The following SLC24A3 variants were observed in gnomAD, a reference collection of about 807,000 sequenced individuals.
SLC24A3 encodes the protein sodium/potassium/calcium exchanger 3.
In SLC24A3, 28 loss-of-function variants were observed where a neutral mutation model predicts 75.8. The observed-to-expected ratio is 0.37, with a 90% CI of 0.27 to 0.51. SLC24A3 has a LOEUF of 0.51. Among genes scored for constraint, SLC24A3 ranks in the 20% least tolerant of loss-of-function variants. The pLI is 0.94. For synonymous variants in SLC24A3, 372 were observed against 334.1 expected (o/e 1.11, Z -1.24); for missense variants, 663 against 847.8 (o/e 0.78, Z 2.71).
intron 2 of SLC24A3, among the ~76,000 whole-genome samples, chr20:19,310,078 G>T (rs1984422145): frequency 6.6e-6 from 1 of 152,280 alleles, no homozygotes; most frequent in South Asian, 2.1e-4. Context: ...GATGGTGCCT[G>T]GTGTCTTCGT....
intron 2 of SLC24A3, among the ~76,000 whole-genome samples, chr20:19,431,492 G>T (rs971336495): frequency 3.9e-5 from 6 of 152,040 alleles, no homozygotes; most frequent in Non-Finnish European, 7.4e-5. Context: ...GGGAGCAGCC[G>T]CTCCATGGGG....
At chr20:19,655,448 C>T (rs2032254533) in intron 7 of SLC24A3, among the ~76,000 whole-genome samples, 1 of 152,076 alleles carries the variant, frequency 6.6e-6, no homozygotes, top group Non-Finnish European at 1.5e-5. Context: ...GTCGGGAGAT[C>T]TGACTCCTAG....
chr20:19,247,393 A>G (rs564025643), intron 1 of SLC24A3, among the ~76,000 whole-genome samples: 1 of 152,342 alleles, frequency 6.6e-6, no homozygotes, highest in East Asian at 1.9e-4. Context: ...AAAAAATTTT[A>G]AATCCTATTT....
intron 2 of SLC24A3, among the ~76,000 whole-genome samples, chr20:19,291,621 A>G (rs1396449453): frequency 5.3e-5 from 8 of 152,026 alleles, no homozygotes; most frequent in Non-Finnish European, 7.3e-5. Context: ...TAATAGAACA[A>G]TAAAATCCTT....
chr20:19,694,273 A>T (rs951758076), intron 13 of SLC24A3: 2 of 152,244 alleles, frequency 1.3e-5, no homozygotes, highest in Non-Finnish European at 2.9e-5. Flanking sequence ...GACAGAAATT[A>T]AAAAGCATGG....
intron 7 of SLC24A3, among the ~76,000 whole-genome samples, chr20:19,659,080 T>C (rs991079916): frequency 6.6e-6 from 1 of 152,104 alleles, no homozygotes; most frequent in Non-Finnish European, 1.5e-5. Context: ...ACTGTGAACA[T>C]GGAGAGGAGG....
At chr20:19,706,509 C>T (rs1235182403) in intron 15 of SLC24A3, among the ~76,000 whole-genome samples, 1 of 151,894 alleles carries the variant, frequency 6.6e-6, no homozygotes, top group Non-Finnish European at 1.5e-5. Context: ...AATTTATTTC[C>T]AAACAGAAAT....
chr20:19,551,359 G>T (rs1361538411), intron 3 of SLC24A3, among the ~76,000 whole-genome samples: 1 of 152,152 alleles, frequency 6.6e-6, no homozygotes, highest in Non-Finnish European at 1.5e-5. Context: ...GGTGAGTGAG[G>T]TTGGATGGAC....
intron 2 of SLC24A3, among the ~76,000 whole-genome samples, chr20:19,370,811 G>A (rs112133706): frequency 6.6e-6 from 1 of 152,138 alleles, no homozygotes; most frequent in African/African-American, 2.4e-5. Context: ...CATCATGGGA[G>A]TTCTCACAGT....
chr20:19,544,676 T>G (rs2030558309), intron 3 of SLC24A3, among the ~76,000 whole-genome samples: 1 of 152,168 alleles, frequency 6.6e-6, no homozygotes, highest in Non-Finnish European at 1.5e-5. Context: ...TAACCACCAG[T>G]GCAAAATTCC....
intron 2 of SLC24A3, among the ~76,000 whole-genome samples, chr20:19,293,605 G>T (rs1291594965): frequency 6.8e-6 from 1 of 146,870 alleles, no homozygotes; most frequent in Non-Finnish European, 1.5e-5. Context: ...GCAGTGAGCC[G>T]AGATGGCACC....
At chr20:19,217,912 A>G (rs1005630831) in intron 1 of SLC24A3, among the ~76,000 whole-genome samples, 2 of 152,060 alleles carry the variant, frequency 1.3e-5, no homozygotes, top group Non-Finnish European at 2.9e-5. Context: ...TGAATACACC[A>G]TATGTTCCCT....
intron 6 of SLC24A3, among the ~76,000 whole-genome samples, chr20:19,587,174 C>T (rs2031310011): frequency 6.6e-6 from 1 of 152,186 alleles, no homozygotes; most frequent in Non-Finnish European, 1.5e-5. Flanking sequence ...TTAGTTCATT[C>T]ATCATTTGTA....
chr20:19,442,518 T>TC (rs1412994063), intron 2 of SLC24A3, among the ~76,000 whole-genome samples: 1 of 152,228 alleles, frequency 6.6e-6, no homozygotes, highest in African/African-American at 2.4e-5. Context: ...TTTGTCAGAG[T>TC]GTCTGTTCAG....
intron 6 of SLC24A3, among the ~76,000 whole-genome samples, chr20:19,616,394 G>A (rs1316864659): frequency 6.6e-6 from 1 of 152,214 alleles, no homozygotes; most frequent in South Asian, 2.1e-4. Flanking sequence ...TGCCACGTGT[G>A]CTTTACAGCC....
chr20:19,262,289 C>T (rs1423388935), intron 1 of SLC24A3, among the ~76,000 whole-genome samples: 1 of 151,176 alleles, frequency 6.6e-6, no homozygotes, highest in African/African-American at 2.4e-5. Flanking sequence ...CCTGTAGTCC[C>T]AGCTACGCGG....
chr20:19,381,813 G>GT (rs1251544989), intron 2 of SLC24A3, among the ~76,000 whole-genome samples: 1 of 152,064 alleles, frequency 6.6e-6, no homozygotes, highest in Non-Finnish European at 1.5e-5. Context: ...TAGTATTATC[G>GT]TATGTCTCTT....
At chr20:19,296,214 C>T (rs952766216) in intron 2 of SLC24A3, among the ~76,000 whole-genome samples, 2 of 131,452 alleles carry the variant, frequency 1.5e-5, no homozygotes, top group Non-Finnish European at 3.3e-5. Context: ...TCCCCATTAT[C>T]ATTTTTTATT....
intron 13 of SLC24A3, chr20:19,695,660 C>G (rs1052887532): frequency 4.6e-5 from 7 of 152,176 alleles, no homozygotes; most frequent in African/African-American, 1.7e-4. Context: ...CGTCACCCAC[C>G]CCACTTCATT....
Sources: gnomAD v4.1 joint callset for allele counts (sites outside exome capture counted in the v4.1 genomes callset) on GRCh38, gnomAD v4.1.1 for gene constraint, MANE v1.5 for transcripts, NCBI Gene and HGNC (gene_info 2026-07-23, HGNC 2026-07-21) for gene names.